The following VWC2 variants were observed in gnomAD, a reference collection of about 807,000 sequenced individuals.
VWC2 encodes the protein brorin.
VWC2 carries 14 observed loss-of-function variants against 29.8 expected under a neutral mutation model. The ratio of observed to expected loss-of-function variants is 0.47; its 90% CI spans 0.31 to 0.74. The LOEUF (loss-of-function observed/expected upper bound fraction) is 0.74. VWC2 is among the 30% of genes least tolerant of loss of function. The pLI is 0.05. For synonymous variants in VWC2, 213 were observed against 199.0 expected (o/e 1.07, Z -0.59); for missense variants, 457 against 459.8 (o/e 0.99, Z 0.05).
At chr7:49,880,160 CTAAGAG>C (rs1791605023) in intron 3 of VWC2, among the ~76,000 whole-genome samples, 1 of 152,132 alleles carries the variant, frequency 6.6e-6, no homozygotes, top group African/African-American at 2.4e-5. Flanking sequence ...CAATATTTTA[CTAAGAG>C]TATCTGCTAA....
intron 2 of VWC2, among the ~76,000 whole-genome samples, chr7:49,789,306 TGA>T (rs1469283217): frequency 1.6e-5 from 2 of 126,038 alleles, no homozygotes; most frequent in African/African-American, 3.1e-5. Context: ...AGCGGGTGTG[TGA>T]GTGTGGGTGT....
At chr7:49,841,624 A>G (rs959295117) in intron 3 of VWC2, among the ~76,000 whole-genome samples, 2 of 152,232 alleles carry the variant, frequency 1.3e-5, no homozygotes, top group Non-Finnish European at 2.9e-5. Flanking sequence ...ACCTTCCGGG[A>G]GGACAGAGGT....
At chr7:49,896,953 T>C (rs1792416257) in intron 3 of VWC2, among the ~76,000 whole-genome samples, 1 of 146,254 alleles carries the variant, frequency 6.8e-6, no homozygotes, top group Non-Finnish European at 1.5e-5. Flanking sequence ...CAGACTGCAG[T>C]GGCGCAATCT....
intron 3 of VWC2, among the ~76,000 whole-genome samples, chr7:49,880,537 T>C (rs1791617161): frequency 6.6e-6 from 1 of 151,680 alleles, no homozygotes; most frequent in African/African-American, 2.4e-5. Context: ...ATATTTTTCA[T>C]CAATTTTTAT....
chr7:49,863,594 G>C (rs572487288), intron 3 of VWC2, among the ~76,000 whole-genome samples: 1 of 152,220 alleles, frequency 6.6e-6, no homozygotes, highest in South Asian at 2.1e-4. Context: ...ACCATGCCCA[G>C]ATAAATTTTG....
Position 49,776,073 on chromosome 7 carries a change from A to C in VWC2, c.638A>C (p.Glu213Ala). 1 of 1,555,622 alleles carries C rather than the reference A, an allele frequency of 6.4e-7. No homozygotes were observed. The highest frequency in any genetic ancestry group is 8.6e-7 in the Non-Finnish European group (1 of 1,156,594). ...AGCCAGTGCTGCCCGCAGTGCAAGG[A>C]GAGGAAGAACTACTGCGAGTTCCGG... is the stretch of plus-strand genomic sequence containing the variant. Reference protein sequence around the residue: ...DTSQCCPQCKERKNYCEFRGK... With the variant: ...DTSQCCPQCKARKNYCEFRGK... The change falls in exon 2 of 4, where the codon GAG (glutamate) becomes GCG (alanine). Residue 213 changes from glutamate to alanine, a missense_variant. Transcript: ENST00000340652.
intron 3 of VWC2, among the ~76,000 whole-genome samples, chr7:49,889,581 C>T (rs1483128437): frequency 6.6e-6 from 1 of 152,154 alleles, no homozygotes; most frequent in Non-Finnish European, 1.5e-5. Flanking sequence ...AGAGGAGCGG[C>T]TACAGGGTGA....
chr7:49,848,296 C>G (rs895060067), intron 3 of VWC2, among the ~76,000 whole-genome samples: 3 of 152,204 alleles, frequency 2.0e-5, no homozygotes, highest in Middle Eastern at 3.2e-3. Flanking sequence ...TCAGAGCCTC[C>G]CACGGCAGGG....
At chr7:49,781,365 T>C (rs1788174036) in intron 2 of VWC2, among the ~76,000 whole-genome samples, 1 of 152,202 alleles carries the variant, frequency 6.6e-6, no homozygotes, top group Non-Finnish European at 1.5e-5. Flanking sequence ...ATACAATATC[T>C]GATGTGAAGT....
Position 49,920,429 on chromosome 7 carries a change from G to A in VWC2, c.*8244G>A, listed in dbSNP as rs1366694929. On this transcript the variant is annotated 3_prime_UTR_variant, in exon 4 of 4. Coordinates refer to ENST00000340652, the MANE Select transcript of VWC2 (RefSeq NM_198570.5). ...CTCAATTTGCTGTGATAGGAAAGGT[G>A]GATATAAATATAAGCAAGGGTCTGA... 6.6e-6 allele frequency: 1 copy of A among 152,250 alleles called. No homozygotes were observed. Among genetic ancestry groups the A allele is most frequent in the East Asian group, 1.9e-4 (1 of 5,188 alleles). The allele number at this position is 152,250 out of a possible 1,614,324, so 9.4% of individuals were successfully genotyped here.
chr7:49,867,170 C>A (rs1208539056), intron 3 of VWC2, among the ~76,000 whole-genome samples: 1 of 152,204 alleles, frequency 6.6e-6, no homozygotes, highest in Non-Finnish European at 1.5e-5. Context: ...GCAAGGAAGG[C>A]CTTTCCCTTT....
chr7:49,843,285 T>C (rs1005654299), intron 3 of VWC2, among the ~76,000 whole-genome samples: 10 of 152,246 alleles, frequency 6.6e-5, no homozygotes, highest in African/African-American at 2.4e-4. Context: ...CATTTTCTCA[T>C]GGGTGAGCCC....
chr7:49,890,395 T>C (rs1289777341), intron 3 of VWC2, among the ~76,000 whole-genome samples: 1 of 152,230 alleles, frequency 6.6e-6, no homozygotes, highest in Non-Finnish European at 1.5e-5. Context: ...ACAGTCAGTA[T>C]GGAAAGGAAT....
At chr7:49,790,967 T>G (rs1788452525) in intron 2 of VWC2, among the ~76,000 whole-genome samples, 2 of 152,098 alleles carry the variant, frequency 1.3e-5, no homozygotes, top group Admixed American at 1.3e-4. Context: ...CTGTGGATTC[T>G]GAGTACTTAT....
intron 3 of VWC2, among the ~76,000 whole-genome samples, chr7:49,855,968 G>A (rs1314316942): frequency 1.3e-5 from 2 of 152,208 alleles, no homozygotes; most frequent in African/African-American, 4.8e-5. Context: ...GTTTGCTGCT[G>A]TGAGAAAGGG....
intron 2 of VWC2, among the ~76,000 whole-genome samples, chr7:49,790,970 G>A (rs576385997): frequency 1.3e-5 from 2 of 152,198 alleles, no homozygotes; most frequent in Admixed American, 6.5e-5. Context: ...TGGATTCTGA[G>A]TACTTATTAA....
At position 49,775,630 on chromosome 7, in the gene VWC2, G is replaced by A. The variant is rs747210205; in HGVS notation, c.195G>A (p.Pro65=). 2.7e-5 allele frequency: 41 copies of A among 1,529,848 alleles called. No homozygotes were observed. In the African/African-American group the frequency reaches 5.5e-4, roughly 21 times the overall value. 94.8% of individuals were successfully genotyped at this position (1,529,848 alleles called of 1,614,324 possible). A position where few individuals can be genotyped will look rare whatever the true frequency, so the allele number is the denominator to read the frequency against. Residue 65 remains proline (P), a synonymous_variant, in exon 2 of 4, where the codon CCG becomes CCA. Transcript: ENST00000340652. ...GPGRVNELGR[P]ARDEGGSGRD... is the part of the protein sequence containing the mutation. ...GGCGGGTGAACGAGCTCGGGCGCCC[G>A]GCGAGGGACGAGGGCGGCAGCGGCC...
intron 2 of VWC2, among the ~76,000 whole-genome samples, chr7:49,801,838 T>C (rs910074387): frequency 6.6e-6 from 1 of 152,276 alleles, no homozygotes; most frequent in Non-Finnish European, 1.5e-5. Flanking sequence ...TACGTGTATT[T>C]TAGCGCTGCT....
In VWC2 at chr7:49,775,556, G is replaced by T; in HGVS notation, c.121G>T (p.Glu41Ter). Residue 41 changes from glutamate (E) to a stop codon, truncating the protein, a stop_gained, in exon 2 of 4, where the codon GAG becomes TAG. Transcript: ENST00000340652. LOFTEE classifies it high-confidence loss of function. Reference sequence around the variant, plus strand: ...GCTGGAGAAGCTGGCCCAGGCACCAGAGCAGCCGGGCCAGGAGAAGCGTGA... The same window carrying T: ...GCTGGAGAAGCTGGCCCAGGCACCATAGCAGCCGGGCCAGGAGAAGCGTGA... ...IPLEKLAQAP[E>*]QPGQEKREHA... 1 of 1,552,440 alleles carries T rather than the reference G, an allele frequency of 6.4e-7. No individual in the cohort carries two copies. Among genetic ancestry groups the T allele is most frequent in the Non-Finnish European group, 8.7e-7 (1 of 1,152,272 alleles).
Sources: allele counts gnomAD v4.1 joint callset (sites outside exome capture counted in the v4.1 genomes callset), GRCh38; gene constraint gnomAD v4.1.1; transcripts MANE v1.5; gene names NCBI Gene and HGNC (gene_info 2026-07-23, HGNC 2026-07-21).